The following IPMK variants were observed in gnomAD, a reference collection of about 807,000 sequenced individuals.
IPMK encodes inositol polyphosphate multikinase.
A neutral mutation model predicts 45.8 loss-of-function variants in IPMK; 17 were observed. That is an observed-to-expected ratio of 0.37 (90% CI 0.25 to 0.56). The LOEUF is 0.56. Ranked by LOEUF, IPMK falls within the 20% of genes least tolerant of loss-of-function variation. The probability of loss-of-function intolerance (pLI) is 0.79; values close to 1 mark genes in which losing one functional copy is unlikely to be tolerated. For synonymous variants in IPMK, 180 were observed against 184.3 expected, an observed-to-expected ratio of 0.98 and a Z score of 0.19; for missense variants, 399 against 498.0, an observed-to-expected ratio of 0.80 and a Z score of 1.89.
rs1389347649 is a variant in IPMK at position 58,196,442 on chromosome 10, A to C, written c.885T>G (p.Phe295Leu). ...DTEVLEYNNN[F>L]HVLSSTANGK... ...CATTAGCTGTGGAACTTAACACATG[A>C]AAGTTATTATTGTACTCTAGTACTT... The change falls in exon 6 of 6, where the codon TTT (phenylalanine) becomes TTG (leucine). Residue 295 changes from phenylalanine to leucine, a missense_variant. Phe to Leu is a conservative substitution (Grantham distance 22). This residue lies in a region of IPMK where 288 missense variants were observed against 398.0 expected (regional missense o/e 0.72). Transcript: ENST00000373935. The C allele has an allele frequency of 6.2e-7, 1 of 1,614,124 alleles. No homozygotes were observed. Among genetic ancestry groups the C allele is most frequent in the East Asian group, 2.2e-5 (1 of 44,862 alleles).
chr10:58,197,768 C>G (rs570375487), intron 5 of IPMK, among the ~76,000 whole-genome samples: 1 of 152,068 alleles, frequency 6.6e-6, no homozygotes, highest in East Asian at 1.9e-4. Context: ...CGCAGTGGCT[C>G]ACGCCTGTAA....
chr10:58,237,916 A>C, intron 1 of IPMK, 102 bp from the exon 2 acceptor site: 1 of 808,192 alleles, frequency 1.2e-6, no homozygotes, highest in Non-Finnish European at 2.1e-6. Flanking sequence ...TACTTCCATT[A>C]AACTTAAGGG....
Position 58,256,923 on chromosome 10 carries a change from C to T in IPMK, c.190+10499G>A, listed in dbSNP as rs375517126. 2.0e-3 allele frequency among the ~76,000 whole-genome samples: 305 copies of T among 152,170 alleles called. 1 individual carries two copies. Among genetic ancestry groups the T allele is most frequent in the African/African-American group, 7.0e-3 (289 of 41,516 alleles). On this transcript the variant is annotated intron_variant, in intron 1 of 5. Transcript: ENST00000373935. ...ACAAAAAATAAATGAAAATTAGCCA[C>T]GCATGTTGGCACATGCCTATGGTCT... is the stretch of plus-strand genomic sequence containing the variant.
intron 1 of IPMK, among the ~76,000 whole-genome samples, chr10:58,266,719 A>G (rs1422060365): frequency 6.6e-6 from 1 of 152,230 alleles, no homozygotes; most frequent in Non-Finnish European, 1.5e-5. Context: ...CAGAAAATGT[A>G]TTACAGTGGC....
chr10:58,252,611 CTTTTTTT>C (rs113777957), intron 1 of IPMK, among the ~76,000 whole-genome samples: 5 of 111,254 alleles, frequency 4.5e-5, no homozygotes, highest in Admixed American at 1.8e-4. Flanking sequence ...GTTTTCTTTT[CTTTTTTT>C]TTTTTTTTTT....
chr10:58,251,499 T>C (rs1838879447), intron 1 of IPMK, among the ~76,000 whole-genome samples: 2 of 152,210 alleles, frequency 1.3e-5, no homozygotes, highest in Non-Finnish European at 2.9e-5. Context: ...GTTGGGTCCA[T>C]TTGGCTTACA....
At chr10:58,256,663 C>T (rs963661061) in intron 1 of IPMK, among the ~76,000 whole-genome samples, 4 of 152,148 alleles carry the variant, frequency 2.6e-5, no homozygotes, top group African/African-American at 4.8e-5. Flanking sequence ...GCTGGTTTTG[C>T]AGTTCAGGGG....
intron 3 of IPMK, among the ~76,000 whole-genome samples, chr10:58,222,588 T>C (rs1838354126): frequency 6.6e-6 from 1 of 152,214 alleles, no homozygotes; most frequent in African/African-American, 2.4e-5. Context: ...TTCATAAATA[T>C]GTGGAGTTCA....
intron 2 of IPMK, among the ~76,000 whole-genome samples, chr10:58,232,476 C>CT (rs1838539626): frequency 6.6e-6 from 1 of 152,186 alleles, no homozygotes; most frequent in Non-Finnish European, 1.5e-5. Flanking sequence ...TCATAACAAA[C>CT]TGTCTCTCAG....
chr10:58,204,242 A>G (rs1269296980), intron 4 of IPMK, among the ~76,000 whole-genome samples: 1 of 152,184 alleles, frequency 6.6e-6, no homozygotes, highest in Non-Finnish European at 1.5e-5. Flanking sequence ...AGATATTTGT[A>G]ATAAAAGTTA....
chr10:58,228,351 T>C lies in IPMK; in HGVS notation c.277-1212A>G, dbSNP rs1227464624. Among the ~76,000 whole-genome samples, 2 of 152,358 alleles carry C rather than the reference T, an allele frequency of 1.3e-5. 1 individual carries two copies. The highest frequency in any genetic ancestry group is 4.1e-4 in the South Asian group (2 of 4,824). ...AAGTAAGATACATATGTGTGTATCA[T>C]CTCTGTAAAGGCACAGAAAAAATTA... On this transcript the variant is annotated intron_variant, in intron 2 of 5. Transcript: ENST00000373935.
At chr10:58,253,754 A>AAAAAAAAAAG (rs1838921566) in intron 1 of IPMK, among the ~76,000 whole-genome samples, 7 of 143,414 alleles carry the variant, frequency 4.9e-5, no homozygotes, top group East Asian at 2.1e-4. Context: ...AAAAAAAGAA[A>AAAAAAAAAAG]AAAAAAGAAA....
At chr10:58,258,000 T>G (rs1412449273) in intron 1 of IPMK, among the ~76,000 whole-genome samples, 1 of 152,148 alleles carries the variant, frequency 6.6e-6, no homozygotes, top group Non-Finnish European at 1.5e-5. Flanking sequence ...ACAATTACTT[T>G]CTCAATAATT....
intron 1 of IPMK, among the ~76,000 whole-genome samples, chr10:58,257,037 G>C (rs1838980278): frequency 6.6e-6 from 1 of 152,108 alleles, no homozygotes; most frequent in Non-Finnish European, 1.5e-5. Flanking sequence ...CCACGCTCTG[G>C]TCTGAGTGTA....
chr10:58,267,441 C>T lies in IPMK; in HGVS notation c.171G>A (p.Met57Ile). The T allele has an allele frequency of 1.2e-5, 20 of 1,613,924 alleles. No homozygotes were observed. The highest frequency in any genetic ancestry group is 1.6e-5 in the Non-Finnish European group (19 of 1,179,882). ...VPLSHQVAGH[M>I]YGKDKVGILQ... is the part of the protein sequence containing the mutation. ...ACTTACCCACTTTGTCCTTCCCGTA[C>T]ATGTGCCCGGCCACCTGATGCGAGA... Residue 57 changes from methionine (M) to isoleucine (I), a missense_variant, in exon 1 of 6, where the codon ATG becomes ATA. Physicochemically the swap from Met to Ile is conservative, Grantham distance 10. This residue lies in a region of IPMK where 111 missense variants were observed against 99.9 expected (regional missense o/e 1.11). Coordinates refer to ENST00000373935, the MANE Select transcript of IPMK (RefSeq NM_152230.5).
At position 58,196,215 on chromosome 10, in the gene IPMK, G is replaced by A; in HGVS notation, c.1112C>T (p.Thr371Ile). ...QLEKVFYHLP[T>I]GCQEIAEVEV... ...TACTTCAGCAATCTCTTGGCAACCA[G>A]TGGGAAGATGGTAGAAAACTTTTTC... The change falls in exon 6 of 6, where the codon ACT (threonine) becomes ATT (isoleucine). Residue 371 changes from threonine to isoleucine, a missense_variant. Coordinates refer to ENST00000373935, the MANE Select transcript of IPMK (RefSeq NM_152230.5). 1 of 1,614,190 alleles carries A rather than the reference G, an allele frequency of 6.2e-7. No homozygotes were observed. The highest frequency in any genetic ancestry group is 8.5e-7 in the Non-Finnish European group (1 of 1,180,014).
intron 2 of IPMK, among the ~76,000 whole-genome samples, chr10:58,233,255 G>A (rs1020180623): frequency 1.3e-5 from 2 of 152,090 alleles, no homozygotes; most frequent in African/African-American, 4.8e-5. Flanking sequence ...AAGAGGAGCT[G>A]GTACCATTCC....
At chr10:58,217,100 C>T (rs139091288) in intron 3 of IPMK, among the ~76,000 whole-genome samples, 7,359 of 150,142 alleles carry the variant, frequency 0.049, 432 homozygotes, top group East Asian at 0.31. Context: ...CTGCCTGCCT[C>T]GGCCTCCCAA....
At chr10:58,252,686 C>T (rs531948225) in intron 1 of IPMK, among the ~76,000 whole-genome samples, 3 of 147,084 alleles carry the variant, frequency 2.0e-5, no homozygotes, top group Non-Finnish European at 4.5e-5. Context: ...AATCTCTACT[C>T]ACTGCAACCT....
Sources: gnomAD v4.1 joint callset for allele counts (sites outside exome capture counted in the v4.1 genomes callset) on GRCh38, gnomAD v4.1.1 for gene constraint, gnomAD v4.1.1 regional missense constraint, MANE v1.5 for transcripts, NCBI Gene and HGNC (gene_info 2026-07-23, HGNC 2026-07-21) for gene names.